SLC44A5: variants seen among roughly 807,000 people sequenced by gnomAD.
The protein encoded by SLC44A5 is choline transporter-like protein 5.
In SLC44A5, 57 loss-of-function variants were observed where a neutral mutation model predicts 101.8. The observed-to-expected ratio is 0.56, with a 90% confidence interval of 0.45 to 0.70. The LOEUF is 0.70. SLC44A5 is among the 30% of genes least tolerant of loss of function. The pLI, the probability that SLC44A5 is intolerant of heterozygous loss-of-function variation, is 0.00. For missense variants in SLC44A5, 737 were observed against 853.1 expected, an observed-to-expected ratio of 0.86 and a Z score of 1.70; for synonymous variants, 281 against 290.9, an observed-to-expected ratio of 0.97 and a Z score of 0.35.
intron 2 of SLC44A5, among the ~76,000 whole-genome samples, chr1:75,490,602 T>C (rs1487544569): frequency 1.3e-5 from 2 of 152,214 alleles, no homozygotes; most frequent in Non-Finnish European, 2.9e-5. Flanking sequence ...TACACTCTCA[T>C]TGTCTTTATC....
intron 2 of SLC44A5, among the ~76,000 whole-genome samples, chr1:75,505,120 T>C (rs1177904153): frequency 1.3e-5 from 2 of 152,140 alleles, no homozygotes; most frequent in African/African-American, 4.8e-5. Context: ...ATCATTTCAT[T>C]TAGGATGATG....
chr1:75,699,667 T>A, the SLC44A5 span, among the ~76,000 whole-genome samples: 1 of 150,720 alleles, frequency 6.6e-6, no homozygotes, highest in African/African-American at 2.4e-5. Context: ...ATATTAACCT[T>A]AAATGTAAAT....
chr1:75,590,033 A>G (rs1674257235), intron 1 of SLC44A5, among the ~76,000 whole-genome samples: 1 of 152,022 alleles, frequency 6.6e-6, no homozygotes, highest in African/African-American at 2.4e-5. Context: ...CTAGGGATGA[A>G]ATAGGCCCAG....
intron 1 of SLC44A5, among the ~76,000 whole-genome samples, chr1:75,545,915 C>T (rs913463029): frequency 6.6e-6 from 1 of 151,792 alleles, no homozygotes; most frequent in African/African-American, 2.4e-5. Context: ...AAACCTCAAC[C>T]TCCTCGGCTC....
At chr1:75,465,073 C>T (rs976595918) in intron 2 of SLC44A5, among the ~76,000 whole-genome samples, 1 of 152,112 alleles carries the variant, frequency 6.6e-6, no homozygotes, top group African/African-American at 2.4e-5. Context: ...TATCCAAGAG[C>T]TACAGAATAC....
chr1:75,422,277 G>A (rs997256850), intron 2 of SLC44A5, among the ~76,000 whole-genome samples: 7 of 152,306 alleles, frequency 4.6e-5, no homozygotes, highest in African/African-American at 7.2e-5. Context: ...TATCAGGCTA[G>A]TTATGGACAC....
chr1:75,206,640 C>T, intron 23 of SLC44A5: 1 of 1,612,738 alleles, frequency 6.2e-7, no homozygotes, highest in Non-Finnish European at 8.5e-7. Context: ...CTAGTTGCTT[C>T]TTGATCAGAA....
chr1:75,203,736 C>T lies in SLC44A5; in HGVS notation c.2145G>A (p.Arg715=). 6.5e-7 allele frequency: 1 copy of T among 1,548,694 alleles called. No individual in the cohort carries two copies. Among genetic ancestry groups the T allele is most frequent in the Non-Finnish European group, 8.7e-7 (1 of 1,145,676 alleles). Residue 715 remains arginine (R), a synonymous_variant, in exon 24 of 24, where the codon AGG becomes AGA. Transcript: ENST00000370859. ...CGACCAGTTTGCTCTTCTACTGCTT[C>T]CTAGTTTGTGGATTTTCCTCCTGGA... ...KIFQEENPQT[R]KQ is the part of the protein sequence containing the mutation.
chr1:75,615,436 T>TACACACACACACACACAC (rs56337760), upstream of SLC44A5, among the ~76,000 whole-genome samples: 18 of 133,594 alleles, frequency 1.3e-4, no homozygotes, highest in African/African-American at 4.4e-4. Flanking sequence ...CACACATACA[T>TACACACACACACACACAC]ACACACACAC....
At chr1:75,238,784 G>A in intron 9 of SLC44A5, 148 bp from the exon 10 acceptor site, 1 of 451,296 alleles carries the variant, frequency 2.2e-6, no homozygotes, top group Non-Finnish European at 3.8e-6. Context: ...CCTGTTACTT[G>A]ATGATATGAT....
chr1:75,721,556 T>C, the SLC44A5 span, among the ~76,000 whole-genome samples: 3 of 152,164 alleles, frequency 2.0e-5, no homozygotes, highest in East Asian at 5.8e-4. Context: ...GTGGGACAAA[T>C]CTGATATTAA....
intron 1 of SLC44A5, among the ~76,000 whole-genome samples, chr1:75,587,890 T>C (rs185736967): frequency 0.011 from 1,607 of 152,282 alleles, 38 homozygotes; most frequent in African/African-American, 0.037. Flanking sequence ...CGTCTGGCAC[T>C]CGCAGGTTCC....
chr1:75,635,615 A>T, the SLC44A5 span, among the ~76,000 whole-genome samples: 1 of 130,042 alleles, frequency 7.7e-6, no homozygotes, highest in Non-Finnish European at 1.6e-5. Flanking sequence ...ATGAGAACAC[A>T]TGGACACAGG....
intron 2 of SLC44A5, among the ~76,000 whole-genome samples, chr1:75,456,624 C>T (rs1666201815): frequency 1.3e-5 from 2 of 152,126 alleles, no homozygotes; most frequent in South Asian, 4.1e-4. Flanking sequence ...TTGGAGTTTT[C>T]TTCCTTAGGT....
chr1:75,550,151 G>A (rs374532593), intron 1 of SLC44A5, among the ~76,000 whole-genome samples: 9 of 152,008 alleles, frequency 5.9e-5, no homozygotes, highest in African/African-American at 1.9e-4. Flanking sequence ...ACCAAAAAGT[G>A]GAAACAACCC....
intron 3 of SLC44A5, among the ~76,000 whole-genome samples, chr1:75,364,044 G>A (rs983004818): frequency 1.3e-5 from 2 of 151,920 alleles, no homozygotes; most frequent in Admixed American, 1.3e-4. Flanking sequence ...AGATGTATTG[G>A]GACTTACTTG....
chr1:75,211,608 A>C, intron 22 of SLC44A5, 56 bp from the exon 23 acceptor site: 1 of 1,259,386 alleles, frequency 7.9e-7, no homozygotes, highest in Non-Finnish European at 1.2e-6. Flanking sequence ...CAGAAGAAGA[A>C]TAATGCAGCT....
chr1:75,430,369 A>G (rs1298769514), intron 2 of SLC44A5, among the ~76,000 whole-genome samples: 3 of 152,180 alleles, frequency 2.0e-5, no homozygotes, highest in Non-Finnish European at 4.4e-5. Context: ...CCCAGCCTCC[A>G]GAACTGTGAA....
intron 14 of SLC44A5, 57 bp from the exon 15 acceptor site, chr1:75,219,949 C>T (rs992614305): frequency 8.5e-7 from 1 of 1,183,090 alleles, no homozygotes; most frequent in Non-Finnish European, 1.2e-6. Flanking sequence ...AAGCTTTAGA[C>T]TGAATTGATT....
Sources: allele counts gnomAD v4.1 joint callset (sites outside exome capture counted in the v4.1 genomes callset), GRCh38; gene constraint gnomAD v4.1.1; transcripts MANE v1.5; gene names NCBI Gene and HGNC (gene_info 2026-07-23, HGNC 2026-07-21).